Variants in GRID2 observed in about 807,000 individuals in gnomAD.
GRID2 encodes the protein glutamate receptor ionotropic, delta-2.
A neutral mutation model predicts 114.8 loss-of-function variants in GRID2; 33 were observed. The observed-to-expected ratio is 0.29, with a 90% CI of 0.22 to 0.38. GRID2 has a LOEUF of 0.38. Ranked by LOEUF, GRID2 falls within the 10% of genes least tolerant of loss-of-function variation. GRID2 has a pLI of 1.00. For synonymous variants in GRID2, 505 were observed against 449.9 expected (o/e 1.12, Z -1.55); for missense variants, 1,184 against 1,257.7 (o/e 0.94, Z 0.89).
At chr4:92,683,677 A>G (rs1203867695) in intron 2 of GRID2, among the ~76,000 whole-genome samples, 1 of 151,888 alleles carries the variant, frequency 6.6e-6, no homozygotes, top group Non-Finnish European at 1.5e-5. Context: ...TTATATTAAA[A>G]AAATACATCA....
chr4:93,427,672 C>T (rs1486694190), intron 10 of GRID2, among the ~76,000 whole-genome samples: 1 of 151,868 alleles, frequency 6.6e-6, no homozygotes, highest in Non-Finnish European at 1.5e-5. Flanking sequence ...TGGTCCAGTA[C>T]ATACATACTT....
At chr4:93,483,284 A>G (rs991726656) in intron 11 of GRID2, among the ~76,000 whole-genome samples, 1 of 151,976 alleles carries the variant, frequency 6.6e-6, no homozygotes, top group East Asian at 1.9e-4. Flanking sequence ...ATTTACTATG[A>G]GTTTTTAGCC....
At chr4:92,827,570 C>G (rs991484964) in intron 2 of GRID2, among the ~76,000 whole-genome samples, 1 of 151,916 alleles carries the variant, frequency 6.6e-6, no homozygotes, top group Admixed American at 6.6e-5. Context: ...TGCTAAGTAG[C>G]TTTTAATCAT....
chr4:93,110,819 G>C lies in GRID2; in HGVS notation c.601G>C (p.Glu201Gln). ...AATGGATGTTGCACTTCAGAAGGTA[G>C]AAAACAACATCAATAAAATGATTAC... The part of the protein sequence containing the change: ...QGMDVALQKV[E>Q]NNINKMITTL... The change falls in exon 4 of 16, where the codon GAA becomes CAA. Residue 201 changes from glutamate (E) to glutamine (Q), a missense_variant. Glu to Gln is a conservative substitution (Grantham distance 29, BLOSUM62 2). This residue lies in a region of GRID2 where 455 missense variants were observed against 429.5 expected (regional missense o/e 1.06). Coordinates refer to ENST00000282020, the MANE Select transcript of GRID2 (RefSeq NM_001510.4). 6.2e-7 allele frequency: 1 copy of C among 1,611,816 alleles called. No individual in the cohort carries two copies. The highest frequency in any genetic ancestry group is 8.5e-7 in the Non-Finnish European group (1 of 1,177,914).
intron 2 of GRID2, among the ~76,000 whole-genome samples, chr4:93,021,934 T>C (rs976603896): frequency 6.6e-6 from 1 of 150,830 alleles, no homozygotes; most frequent in Non-Finnish European, 1.5e-5. Context: ...GAGAGGAATT[T>C]TATTTACATA....
intron 2 of GRID2, among the ~76,000 whole-genome samples, chr4:92,913,208 G>A (rs1190721320): frequency 6.6e-6 from 1 of 151,806 alleles, no homozygotes; most frequent in East Asian, 1.9e-4. Flanking sequence ...TATCAAGTTT[G>A]AAATATATTA....
chr4:93,327,562 A>C (rs1238784347), intron 8 of GRID2, among the ~76,000 whole-genome samples: 1 of 152,148 alleles, frequency 6.6e-6, no homozygotes, highest in African/African-American at 2.4e-5. Context: ...TCAGCCATAA[A>C]AAAGAATGAA....
chr4:92,417,178 TGTTTTTGAAAATGG>T (rs1177602333), intron 1 of GRID2, among the ~76,000 whole-genome samples: 2 of 152,162 alleles, frequency 1.3e-5, no homozygotes, highest in Admixed American at 6.6e-5. Flanking sequence ...AATAAATTTT[TGTTTTTGAAAATGG>T]GAAAATAATA....
At chr4:93,551,309 G>T (rs1733727822) in intron 13 of GRID2, among the ~76,000 whole-genome samples, 1 of 152,148 alleles carries the variant, frequency 6.6e-6, no homozygotes, top group Non-Finnish European at 1.5e-5. Context: ...GGGGATGGAG[G>T]TTAGATATGT....
At chr4:92,817,714 G>C (rs1352459450) in intron 2 of GRID2, among the ~76,000 whole-genome samples, 1 of 144,886 alleles carries the variant, frequency 6.9e-6, no homozygotes, top group East Asian at 2.0e-4. Flanking sequence ...TTTTTTTTTT[G>C]GAGAGATGGT....
At chr4:92,343,048 T>C (rs1054093386) in intron 1 of GRID2, among the ~76,000 whole-genome samples, 1 of 152,220 alleles carries the variant, frequency 6.6e-6, no homozygotes, top group Non-Finnish European at 1.5e-5. Flanking sequence ...TATAGTCCTA[T>C]GGGGAAATTT....
At chr4:92,372,191 A>G (rs1729146942) in intron 1 of GRID2, among the ~76,000 whole-genome samples, 1 of 152,216 alleles carries the variant, frequency 6.6e-6, no homozygotes, top group African/African-American at 2.4e-5. Flanking sequence ...TTGAAATGAT[A>G]ATAGATTTAG....
At chr4:92,804,487 T>TA (rs72230287) in intron 2 of GRID2, among the ~76,000 whole-genome samples, 3,482 of 151,780 alleles carry the variant, frequency 0.023, 98 homozygotes, top group East Asian at 0.12. Context: ...TGGTTATAAG[T>TA]AAAAAAAATG....
At chr4:93,557,926 T>C (rs1382164498) in intron 13 of GRID2, among the ~76,000 whole-genome samples, 5 of 152,160 alleles carry the variant, frequency 3.3e-5, no homozygotes, top group African/African-American at 1.2e-4. Flanking sequence ...AACTCAGGAT[T>C]AAGAAACTCA....
chr4:93,159,554 C>G (rs563449354), intron 4 of GRID2, among the ~76,000 whole-genome samples: 1 of 151,784 alleles, frequency 6.6e-6, no homozygotes, highest in South Asian at 2.1e-4. Context: ...TTATAATAAG[C>G]TGATATAGTA....
At chr4:92,518,274 T>C (rs1234578454) in intron 1 of GRID2, among the ~76,000 whole-genome samples, 1 of 151,882 alleles carries the variant, frequency 6.6e-6, no homozygotes, top group Non-Finnish European at 1.5e-5. Flanking sequence ...ACAGGCTTAT[T>C]GCTACTATAA....
chr4:93,208,234 C>A (rs1447151147), intron 5 of GRID2, among the ~76,000 whole-genome samples: 1 of 151,830 alleles, frequency 6.6e-6, no homozygotes, highest in Admixed American at 6.6e-5. Context: ...CTTTTAGGGA[C>A]AAAATAGTAT....
intron 1 of GRID2, among the ~76,000 whole-genome samples, chr4:92,584,250 G>T (rs933111407): frequency 2.6e-5 from 4 of 151,782 alleles, no homozygotes; most frequent in Non-Finnish European, 5.9e-5. Flanking sequence ...CTTTTAAAAT[G>T]CCTGTATAAT....
At chr4:93,038,194 C>G (rs536821280) in intron 2 of GRID2, among the ~76,000 whole-genome samples, 2 of 152,184 alleles carry the variant, frequency 1.3e-5, no homozygotes, top group African/African-American at 4.8e-5. Flanking sequence ...AGTTGTATTT[C>G]TAAGTATTTT....
Sources: allele counts gnomAD v4.1 joint callset (sites outside exome capture counted in the v4.1 genomes callset), GRCh38; gene constraint gnomAD v4.1.1; regional missense constraint gnomAD v4.1.1; transcripts MANE v1.5; gene names NCBI Gene and HGNC (gene_info 2026-07-23, HGNC 2026-07-21).